The following WDFY3 variants were observed in gnomAD, a reference collection of about 807,000 sequenced individuals.
WDFY3 encodes the protein WD repeat and FYVE domain-containing protein 3.
WDFY3 carries 66 observed loss-of-function variants against 409.6 expected under a neutral mutation model. That is an observed-to-expected ratio of 0.16 (90% CI 0.13 to 0.20). The LOEUF (loss-of-function observed/expected upper bound fraction) is 0.20, where lower values mean the gene tolerates loss of function less well. Ranked by LOEUF, WDFY3 falls within the 10% of genes least tolerant of loss-of-function variation. WDFY3 has a pLI of 1.00. For missense variants in WDFY3, 3,031 were observed against 4,298.1 expected, an observed-to-expected ratio of 0.71 and a Z score of 8.24; for synonymous variants, 1,521 against 1,537.1, an observed-to-expected ratio of 0.99 and a Z score of 0.25.
In WDFY3 at chr4:84,672,658, ATTC is replaced by A; in HGVS notation, c.*207_*209del. The A allele has an allele frequency of 2.1e-6, 1 of 484,584 alleles. No homozygotes were observed. The highest frequency in any genetic ancestry group is 3.4e-6 in the Non-Finnish European group (1 of 293,866). The allele number at this position is 484,584 out of a possible 1,614,324, so 30.0% of individuals were successfully genotyped here. ...GTGTTGCTCCTAGGAACCACCTCAT[ATTC>A]TTCTTGTGCTGTTCACCTGAATCGC... is the stretch of plus-strand genomic sequence containing the variant. On this transcript the variant is annotated 3_prime_UTR_variant, in exon 68 of 68. Coordinates refer to ENST00000295888, the MANE Select transcript of WDFY3 (RefSeq NM_014991.6).
At chr4:84,785,663 C>T (rs1226532043) in intron 24 of WDFY3, among the ~76,000 whole-genome samples, 2 of 152,052 alleles carry the variant, frequency 1.3e-5, no homozygotes, top group East Asian at 1.9e-4. Context: ...ATAGGTCATT[C>T]GTTAAAAAGT....
chr4:84,683,819 G>A, intron 63 of WDFY3, 124 bp downstream of exon 63: 1 of 1,014,794 alleles, frequency 9.9e-7, no homozygotes. Context: ...GCCTGTCTGA[G>A]CTGGAGCGAG....
At chr4:84,948,888 A>G (rs1773241336) in intron 1 of WDFY3, among the ~76,000 whole-genome samples, 1 of 152,108 alleles carries the variant, frequency 6.6e-6, no homozygotes, top group South Asian at 2.1e-4. Flanking sequence ...TCATACATAT[A>G]TAAGCATGTA....
Position 84,741,875 on chromosome 4 carries a change from T to C in WDFY3, c.6120A>G (p.Val2040=). 1 of 1,610,874 alleles carries C rather than the reference T, an allele frequency of 6.2e-7. No homozygotes were observed. Among genetic ancestry groups the C allele is most frequent in the Non-Finnish European group, 8.5e-7 (1 of 1,177,630 alleles). The change falls in exon 38 of 68, where the codon GTA becomes GTG. Residue 2040 remains valine (V), a synonymous_variant. Coordinates refer to ENST00000295888, the MANE Select transcript of WDFY3 (RefSeq NM_014991.6). ...LPITSGGSYQ[V]LVNNVFYFTQ... ...TGAAATAAAACACATTGTTCACCAA[T>C]ACCTGGTAGCTTCCTCCACTGGTAA...
intron 44 of WDFY3, among the ~76,000 whole-genome samples, chr4:84,729,137 G>C (rs1208565818): frequency 1.3e-5 from 2 of 152,024 alleles, no homozygotes; most frequent in African/African-American, 2.4e-5. Context: ...TCACTGTAAT[G>C]AACTTTGCAA....
chr4:84,852,810 T>A (rs1350360566), intron 4 of WDFY3, among the ~76,000 whole-genome samples: 1 of 151,908 alleles, frequency 6.6e-6, no homozygotes, highest in Non-Finnish European at 1.5e-5. Flanking sequence ...CAGGCTGGAG[T>A]GCAGTGGCGC....
intron 36 of WDFY3, among the ~76,000 whole-genome samples, chr4:84,744,441 A>G (rs997212019): frequency 1.3e-5 from 2 of 152,176 alleles, no homozygotes; most frequent in South Asian, 2.1e-4. Flanking sequence ...TTTATTGTCT[A>G]TAAAAAGAAA....
intron 1 of WDFY3, among the ~76,000 whole-genome samples, chr4:84,946,216 A>G (rs995731766): frequency 1.3e-5 from 2 of 152,228 alleles, no homozygotes; most frequent in African/African-American, 4.8e-5. Flanking sequence ...AGAAATATGT[A>G]ATCTGAAGTG....
At chr4:84,954,292 T>C (rs1317177336) in intron 1 of WDFY3, among the ~76,000 whole-genome samples, 1 of 152,200 alleles carries the variant, frequency 6.6e-6, no homozygotes, top group Non-Finnish European at 1.5e-5. Context: ...CTAAATAAAA[T>C]TATTAAGCAA....
chr4:84,797,979 G>C lies in WDFY3; in HGVS notation c.2935+17C>G. 6.4e-7 allele frequency: 1 copy of C among 1,567,620 alleles called. No homozygotes were observed. The highest frequency in any genetic ancestry group is 8.7e-7 in the Non-Finnish European group (1 of 1,150,462). On this transcript the variant is annotated intron_variant, in intron 18 of 67. Coordinates refer to ENST00000295888, the MANE Select transcript of WDFY3 (RefSeq NM_014991.6). Reference sequence around the variant, plus strand: ...TCATTCATAAAATAAATCAAAAAAGGGAATTTCAAAACTTACTTCTCATTT... The same window carrying C: ...TCATTCATAAAATAAATCAAAAAAGCGAATTTCAAAACTTACTTCTCATTT...
intron 15 of WDFY3, chr4:84,804,160 T>A (rs1281960918): frequency 2.0e-5 from 3 of 152,216 alleles, no homozygotes; most frequent in African/African-American, 7.2e-5. Flanking sequence ...AATGTACACA[T>A]TTCTTCTCAT....
chr4:84,825,848 G>A (rs79236596), intron 10 of WDFY3, among the ~76,000 whole-genome samples: 22,837 of 152,006 alleles, frequency 0.15, 2,664 homozygotes, highest in African/African-American at 0.32. Flanking sequence ...GTAAGTGACA[G>A]TCATGTGAAT....
At position 84,716,877 on chromosome 4, in the gene WDFY3, T is replaced by A. The variant is rs1734038952; in HGVS notation, c.7875+19A>T. On this transcript the variant is annotated intron_variant, in intron 49 of 67. Transcript: ENST00000295888. ...AGAATAAAGAAACATGATAAAACAG[T>A]ACTACTAAATTGACTCACCTGCAGG... 6.5e-7 allele frequency: 1 copy of A among 1,546,528 alleles called. No homozygotes were observed. The highest frequency in any genetic ancestry group is 2.0e-5 in the Admixed American group (1 of 51,058).
chr4:84,943,798 C>T (rs566756981), intron 1 of WDFY3, among the ~76,000 whole-genome samples: 1 of 152,286 alleles, frequency 6.6e-6, no homozygotes, highest in East Asian at 1.9e-4. Context: ...TTGGCCTACA[C>T]ATACTAAAAA....
At position 84,757,107 on chromosome 4, in the gene WDFY3, C is replaced by T. The variant is rs765967890; in HGVS notation, c.5243G>A (p.Arg1748Gln). The change falls in exon 33 of 68, where the codon CGA becomes CAA. Residue 1748 changes from arginine to glutamine, a missense_variant. By Grantham distance (43) the Arg-to-Gln change is conservative. Coordinates refer to ENST00000295888, the MANE Select transcript of WDFY3 (RefSeq NM_014991.6). ...AAAACCAGGAAAATGACAAGCATCT[C>T]GGTTAATCTCCCTGACCGTCGATCT... ...GGRSTVREIN[R>Q]DACHFPGFPV... 25 of 1,613,922 alleles carry T rather than the reference C, an allele frequency of 1.5e-5. No homozygotes were observed. Among genetic ancestry groups the T allele is most frequent in the Admixed American group, 1.5e-4 (9 of 59,974 alleles).
intron 2 of WDFY3, among the ~76,000 whole-genome samples, chr4:84,924,253 T>C (rs1244061757): frequency 6.6e-6 from 1 of 152,264 alleles, no homozygotes; most frequent in East Asian, 1.9e-4. Flanking sequence ...GTTTACAATA[T>C]TTCTTAGGAT....
chr4:84,893,367 A>C (rs554793325), intron 3 of WDFY3, among the ~76,000 whole-genome samples: 1 of 152,224 alleles, frequency 6.6e-6, no homozygotes, highest in African/African-American at 2.4e-5. Flanking sequence ...TTCAAGGTTC[A>C]CAATGTTTGG....
In WDFY3 at chr4:84,897,591, G is replaced by C. The variant is rs576241574; in HGVS notation, c.-131-581C>G. On this transcript the variant is annotated intron_variant, in intron 2 of 67. Transcript: ENST00000295888. ...AGACAGAGTTTCACTATGTTGGCCA[G>C]GCTGGTCTTGAACTCCTCCTGACCT... 1.4e-3 allele frequency among the ~76,000 whole-genome samples: 211 copies of C among 152,196 alleles called. 1 individual carries two copies. In the South Asian group the frequency reaches 0.024, roughly 17 times the overall value.
At chr4:84,864,277 G>C (rs997746571) in intron 3 of WDFY3, among the ~76,000 whole-genome samples, 1 of 147,124 alleles carries the variant, frequency 6.8e-6, no homozygotes, top group African/African-American at 2.5e-5. Flanking sequence ...CCGAGGCAGG[G>C]AATCACCTGA....
Sources: allele counts gnomAD v4.1 joint callset (sites outside exome capture counted in the v4.1 genomes callset), GRCh38; gene constraint gnomAD v4.1.1; transcripts MANE v1.5; gene names NCBI Gene and HGNC (gene_info 2026-07-23, HGNC 2026-07-21).